SLC44A5: variants seen among roughly 807,000 people sequenced by gnomAD.
SLC44A5 encodes solute carrier family 44 member 5.
Under a neutral mutation model 101.8 loss-of-function variants are expected in SLC44A5, and 57 were observed. The ratio of observed to expected loss-of-function variants is 0.56; its 90% confidence interval spans 0.45 to 0.70. The LOEUF is 0.70. SLC44A5 is among the 30% of genes least tolerant of loss of function. The pLI is 0.00. For missense variants in SLC44A5, 737 were observed against 853.1 expected (o/e 0.86, Z 1.70); for synonymous variants, 281 against 290.9 (o/e 0.97, Z 0.35).
intron 2 of SLC44A5, among the ~76,000 whole-genome samples, chr1:75,397,310 T>C (rs1042526602): frequency 4.6e-5 from 7 of 152,198 alleles, no homozygotes; most frequent in African/African-American, 1.2e-4. Context: ...TAATGCTTTC[T>C]ATGAACACCC....
chr1:75,607,943 TC>T (rs1391826821), intron 1 of SLC44A5, among the ~76,000 whole-genome samples: 3 of 151,966 alleles, frequency 2.0e-5, no homozygotes, highest in Non-Finnish European at 4.4e-5. Flanking sequence ...GTATATTATG[TC>T]CCCAGAACTT....
Position 75,407,787 on chromosome 1 carries a change from G to A in SLC44A5, c.14-11166C>T, listed in dbSNP as rs184786024. ...AAGAAAACCTAGGCAATACCATTCAGGACATAGGCATGGGCAAAGGCTTCA... is the reference window on the plus strand; with the variant it reads ...AAGAAAACCTAGGCAATACCATTCAAGACATAGGCATGGGCAAAGGCTTCA... On this transcript the variant is annotated intron_variant, in intron 2 of 23. Transcript: ENST00000370859. 2.2e-3 allele frequency among the ~76,000 whole-genome samples: 328 copies of A among 152,264 alleles called. 3 individuals carry two copies. Among genetic ancestry groups the A allele is most frequent in the African/African-American group, 7.6e-3 (314 of 41,550 alleles).
At chr1:75,676,980 G>GA in the SLC44A5 span, among the ~76,000 whole-genome samples, 1 of 152,010 alleles carries the variant, frequency 6.6e-6, no homozygotes, top group African/African-American at 2.4e-5. Context: ...AAAGTGCTGG[G>GA]AAAAAAAGTT....
chr1:75,219,021 G>C (rs960967276), intron 16 of SLC44A5, among the ~76,000 whole-genome samples: 1 of 152,004 alleles, frequency 6.6e-6, no homozygotes. Context: ...ACTTTCTATG[G>C]TCTTGGGTAT....
chr1:75,305,735 A>G lies in SLC44A5; in HGVS notation c.102-5050T>C, dbSNP rs529279660. Among the ~76,000 whole-genome samples, 3 of 152,338 alleles carry G rather than the reference A, an allele frequency of 2.0e-5. No individual in the cohort carries two copies. The East Asian group carries it at 5.8e-4, about 29-fold the overall frequency. ...GGTTTACACCTCTTTCCCTAGAATA[A>G]CCGTTAACAATGTTTCCATTTACTC... On this transcript the variant is annotated intron_variant, in intron 4 of 23. Coordinates refer to ENST00000370859, the MANE Select transcript of SLC44A5 (RefSeq NM_001130058.2).
At chr1:75,471,630 C>T (rs1667117768) in intron 2 of SLC44A5, among the ~76,000 whole-genome samples, 1 of 151,872 alleles carries the variant, frequency 6.6e-6, no homozygotes. Flanking sequence ...TTCTATTTTT[C>T]CTTTGCTAAT....
intron 3 of SLC44A5, among the ~76,000 whole-genome samples, chr1:75,343,466 T>C (rs1275935892): frequency 6.6e-6 from 1 of 152,214 alleles, no homozygotes; most frequent in Non-Finnish European, 1.5e-5. Context: ...AGAAAGACTC[T>C]TTTCTTTAAA....
At chr1:75,617,663 G>A in the SLC44A5 span, among the ~76,000 whole-genome samples, 2 of 152,042 alleles carry the variant, frequency 1.3e-5, no homozygotes, top group Non-Finnish European at 2.9e-5. Flanking sequence ...AAAAAACAAA[G>A]AACATGTTTC....
At chr1:75,330,236 C>T (rs1200710103) in intron 4 of SLC44A5, among the ~76,000 whole-genome samples, 1 of 149,304 alleles carries the variant, frequency 6.7e-6, no homozygotes, top group African/African-American at 2.4e-5. Context: ...TGAGGCTTCA[C>T]TTCCCCATTC....
At chr1:75,480,234 G>A (rs1391979214) in intron 2 of SLC44A5, among the ~76,000 whole-genome samples, 3 of 152,114 alleles carry the variant, frequency 2.0e-5, no homozygotes, top group East Asian at 1.9e-4. Flanking sequence ...AGTAAATTAG[G>A]TATTGATGGG....
At chr1:75,217,591 T>C (rs967848303) in intron 18 of SLC44A5, among the ~76,000 whole-genome samples, 5 of 152,174 alleles carry the variant, frequency 3.3e-5, no homozygotes, top group African/African-American at 1.2e-4. Flanking sequence ...CAAAACAGAA[T>C]TCTTAATCTC....
intron 2 of SLC44A5, among the ~76,000 whole-genome samples, chr1:75,535,969 G>C (rs1670974820): frequency 6.6e-6 from 1 of 151,640 alleles, no homozygotes; most frequent in Non-Finnish European, 1.5e-5. Flanking sequence ...AACACTTTGG[G>C]AGGCGGAGGC....
intron 13 of SLC44A5, 86 bp from the exon 14 acceptor site, chr1:75,222,546 T>G (rs951300401): frequency 8.0e-6 from 6 of 752,826 alleles, no homozygotes; most frequent in Non-Finnish European, 1.3e-5. Flanking sequence ...TTGAACTTTA[T>G]GATTATTTCT....
intron 1 of SLC44A5, 58 bp downstream of exon 1, chr1:75,610,982 C>T (rs1675630333): frequency 1.3e-6 from 1 of 790,496 alleles, no homozygotes; most frequent in African/African-American, 1.9e-5. Context: ...TTATGAATAA[C>T]AAACTTGACC....
chr1:75,689,560 T>C, the SLC44A5 span, among the ~76,000 whole-genome samples: 1 of 152,160 alleles, frequency 6.6e-6, no homozygotes, highest in Non-Finnish European at 1.5e-5. Flanking sequence ...ACCACTCAAA[T>C]AGTCAGGGAA....
chr1:75,247,650 T>C (rs1471239355), intron 7 of SLC44A5, among the ~76,000 whole-genome samples: 4 of 152,024 alleles, frequency 2.6e-5, no homozygotes, highest in African/African-American at 4.8e-5. Context: ...CAAAGGAGAC[T>C]GATAGGGAGT....
intron 1 of SLC44A5, among the ~76,000 whole-genome samples, chr1:75,569,238 C>CTTTTTT (rs566440021): frequency 8.9e-6 from 1 of 112,884 alleles, no homozygotes; most frequent in Non-Finnish European, 1.8e-5. Flanking sequence ...TCATCTCTAC[C>CTTTTTT]TTTTTTTTTT....
Position 75,303,731 on chromosome 1 carries a change from A to G in SLC44A5, c.102-3046T>C, listed in dbSNP as rs566647740. Among the ~76,000 whole-genome samples, 241 of 152,280 alleles carry G rather than the reference A, an allele frequency of 1.6e-3. 1 individual carries two copies. Among genetic ancestry groups the G allele is most frequent in the African/African-American group, 5.5e-3 (230 of 41,560 alleles). ...CCCAGCAGTCTCTCACCACAATGGG[A>G]CAGCATTTCTCAATAATTCACACCT... On this transcript the variant is annotated intron_variant, in intron 4 of 23. Transcript: ENST00000370859.
chr1:75,700,233 C>T, the SLC44A5 span, among the ~76,000 whole-genome samples: 1 of 152,094 alleles, frequency 6.6e-6, no homozygotes, highest in African/African-American at 2.4e-5. Context: ...ACACCTATTC[C>T]AAAATTGACC....
Sources: gnomAD v4.1 joint callset for allele counts (sites outside exome capture counted in the v4.1 genomes callset) on GRCh38, gnomAD v4.1.1 for gene constraint, MANE v1.5 for transcripts, NCBI Gene and HGNC (gene_info 2026-07-23, HGNC 2026-07-21) for gene names.